Variants in TMEM132D observed in about 807,000 individuals in gnomAD.
TMEM132D encodes the protein transmembrane protein 132D, also known as mature OL transmembrane protein.
In TMEM132D, 21 loss-of-function variants were observed where a neutral mutation model predicts 62.3. The ratio of observed to expected loss-of-function variants is 0.34; its 90% CI spans 0.24 to 0.49. The LOEUF (loss-of-function observed/expected upper bound fraction) is 0.49. TMEM132D is among the 20% of genes least tolerant of loss of function. The probability of loss-of-function intolerance (pLI) is 0.99; values close to 1 mark genes in which losing one functional copy is unlikely to be tolerated. For missense variants in TMEM132D, 1,346 were observed against 1,402.8 expected, an observed-to-expected ratio of 0.96 and a Z score of 0.65; for synonymous variants, 621 against 575.6, an observed-to-expected ratio of 1.08 and a Z score of -1.13.
chr12:129,515,255 A>T (rs779862491), intron 3 of TMEM132D, among the ~76,000 whole-genome samples: 10 of 152,188 alleles, frequency 6.6e-5, no homozygotes, highest in African/African-American at 2.2e-4. Context: ...CTGTCGGTAC[A>T]CTGGTTTTCA....
chr12:129,692,062 C>T (rs574506471), intron 2 of TMEM132D, among the ~76,000 whole-genome samples: 3 of 151,954 alleles, frequency 2.0e-5, no homozygotes, highest in Admixed American at 6.6e-5. Flanking sequence ...ACACTCTCTC[C>T]GAGCAAGCAG....
chr12:129,251,139 C>T (rs11060217), intron 4 of TMEM132D, among the ~76,000 whole-genome samples: 50,607 of 151,754 alleles, frequency 0.33, 9,969 homozygotes, highest in Non-Finnish European at 0.45. Flanking sequence ...GGGTGGGTTG[C>T]CTGAGCTCAG....
intron 1 of TMEM132D, among the ~76,000 whole-genome samples, chr12:129,876,130 A>G (rs937820082): frequency 2.0e-5 from 3 of 152,134 alleles, no homozygotes; most frequent in African/African-American, 7.2e-5. Context: ...TAAATAAAAA[A>G]CCTAAGGAAA....
intron 2 of TMEM132D, among the ~76,000 whole-genome samples, chr12:129,653,357 G>A (rs930552445): frequency 6.6e-6 from 1 of 152,226 alleles, no homozygotes. Flanking sequence ...TAAGCCTGGT[G>A]ATGGCCGATG....
intron 5 of TMEM132D, among the ~76,000 whole-genome samples, chr12:129,141,806 C>T (rs974464334): frequency 5.3e-5 from 8 of 151,950 alleles, no homozygotes; most frequent in African/African-American, 1.9e-4. Context: ...GAAAAACTAA[C>T]TTTGGGGTAC....
chr12:129,223,088 T>C (rs1879390025), intron 4 of TMEM132D, among the ~76,000 whole-genome samples: 1 of 152,088 alleles, frequency 6.6e-6, no homozygotes, highest in Non-Finnish European at 1.5e-5. Flanking sequence ...CCTTGGTCCC[T>C]GAATAGTTTA....
At chr12:129,890,664 C>A (rs1874893378) in intron 1 of TMEM132D, among the ~76,000 whole-genome samples, 1 of 152,238 alleles carries the variant, frequency 6.6e-6, no homozygotes, top group African/African-American at 2.4e-5. Context: ...TCAGCGAATT[C>A]TTCTGCAGCT....
chr12:129,171,352 C>T (rs1362953796), intron 5 of TMEM132D, among the ~76,000 whole-genome samples: 2 of 152,188 alleles, frequency 1.3e-5, no homozygotes, highest in African/African-American at 4.8e-5. Flanking sequence ...CACTGACTTC[C>T]TGCACTGAAA....
intron 2 of TMEM132D, among the ~76,000 whole-genome samples, chr12:129,638,637 T>C (rs765273183): frequency 2.7e-5 from 4 of 150,140 alleles, no homozygotes; most frequent in South Asian, 2.1e-4. Flanking sequence ...ATATATATGC[T>C]GAATCTCTGA....
chr12:129,248,243 G>A (rs569123077), intron 4 of TMEM132D, among the ~76,000 whole-genome samples: 24 of 152,270 alleles, frequency 1.6e-4, no homozygotes, highest in Middle Eastern at 3.4e-3. Flanking sequence ...TAGGTGGCTG[G>A]TTTCTCTATC....
chr12:129,487,721 AGGAG>A (rs1322825250), intron 3 of TMEM132D, among the ~76,000 whole-genome samples: 1 of 151,824 alleles, frequency 6.6e-6, no homozygotes, highest in Non-Finnish European at 1.5e-5. Flanking sequence ...TCATGAGGTC[AGGAG>A]ATCTCCTGAG....
chr12:129,733,193 G>A (rs1043676100), intron 1 of TMEM132D, among the ~76,000 whole-genome samples: 1 of 152,202 alleles, frequency 6.6e-6, no homozygotes, highest in African/African-American at 2.4e-5. Flanking sequence ...GGCCCAGATT[G>A]TAGCCAGCTG....
chr12:129,653,817 C>T (rs1256204203), intron 2 of TMEM132D, among the ~76,000 whole-genome samples: 1 of 152,230 alleles, frequency 6.6e-6, no homozygotes, highest in Non-Finnish European at 1.5e-5. Context: ...GGTACATTTG[C>T]TGCAATCAAC....
At chr12:129,209,445 G>GTCCCAGAGA in intron 5 of TMEM132D, 75 bp downstream of exon 5, 1 of 1,578,876 alleles carries the variant, frequency 6.3e-7, no homozygotes, top group African/African-American at 1.3e-5. Context: ...GGTCCCAGAG[G>GTCCCAGAGA]TCCCAAGCTG....
intron 1 of TMEM132D, among the ~76,000 whole-genome samples, chr12:129,734,707 A>G (rs1869364002): frequency 6.6e-6 from 1 of 152,208 alleles, no homozygotes; most frequent in African/African-American, 2.4e-5. Flanking sequence ...AAAATTAATA[A>G]ATTAATTCCA....
At chr12:129,609,788 A>G (rs1326575945) in intron 2 of TMEM132D, among the ~76,000 whole-genome samples, 1 of 152,144 alleles carries the variant, frequency 6.6e-6, no homozygotes, top group Non-Finnish European at 1.5e-5. Flanking sequence ...AACGGAAACC[A>G]CACCCCTGTT....
At chr12:129,357,021 T>C (rs1427786182) in intron 3 of TMEM132D, among the ~76,000 whole-genome samples, 11 of 148,900 alleles carry the variant, frequency 7.4e-5, no homozygotes, top group South Asian at 2.1e-4. Flanking sequence ...CCGAGGTGGG[T>C]GGATCACGAG....
intron 2 of TMEM132D, among the ~76,000 whole-genome samples, chr12:129,558,111 T>C (rs1383434194): frequency 2.0e-5 from 3 of 152,162 alleles, no homozygotes; most frequent in African/African-American, 7.2e-5. Context: ...CAAAGATGTA[T>C]CACTTGCTCA....
At chr12:129,201,595 A>T (rs1322578581) in intron 5 of TMEM132D, among the ~76,000 whole-genome samples, 1 of 152,248 alleles carries the variant, frequency 6.6e-6, no homozygotes, top group Non-Finnish European at 1.5e-5. Context: ...AGGTCCCATA[A>T]GAACATATCT....
Sources: allele counts gnomAD v4.1 joint callset (sites outside exome capture counted in the v4.1 genomes callset), GRCh38; gene constraint gnomAD v4.1.1; transcripts MANE v1.5; gene names NCBI Gene and HGNC (gene_info 2026-07-23, HGNC 2026-07-21).